Variants in CCDC171 observed in about 807,000 individuals in gnomAD.
The protein encoded by CCDC171 is coiled-coil domain-containing protein 171.
A neutral mutation model predicts 168.2 loss-of-function variants in CCDC171; 177 were observed. That is an observed-to-expected ratio of 1.05 (90% confidence interval 0.93 to 1.19). The LOEUF is 1.19. Ranked by LOEUF, CCDC171 falls within the 50% of genes most tolerant of loss-of-function variation. CCDC171 has a pLI of 0.00. For missense variants in CCDC171, 1,991 were observed against 1,539.0 expected, an observed-to-expected ratio of 1.29 and a Z score of -4.91; for synonymous variants, 687 against 540.8, an observed-to-expected ratio of 1.27 and a Z score of -3.75.
At chr9:15,829,045 A>G (rs888833623) in intron 21 of CCDC171, among the ~76,000 whole-genome samples, 2 of 152,202 alleles carry the variant, frequency 1.3e-5, no homozygotes, top group Non-Finnish European at 2.9e-5. Context: ...TTGAGTGTTT[A>G]CTATATGTTT....
At chr9:15,823,746 T>C (rs984651368) in intron 21 of CCDC171, among the ~76,000 whole-genome samples, 1 of 152,130 alleles carries the variant, frequency 6.6e-6, no homozygotes, top group East Asian at 1.9e-4. Context: ...CTAATTTTAA[T>C]TTGTCATAGC....
the CCDC171 span, among the ~76,000 whole-genome samples, chr9:16,097,093 A>G: frequency 6.6e-6 from 1 of 152,188 alleles, no homozygotes; most frequent in Non-Finnish European, 1.5e-5. Context: ...AAATGGAGTA[A>G]CACCCACTGA....
intron 21 of CCDC171, among the ~76,000 whole-genome samples, chr9:15,792,846 C>T (rs2058338305): frequency 6.6e-6 from 1 of 152,006 alleles, no homozygotes; most frequent in African/African-American, 2.4e-5. Context: ...AAAGGAACAA[C>T]CAGTACCAGC....
intron 24 of CCDC171, among the ~76,000 whole-genome samples, chr9:15,876,312 G>T (rs1817839418): frequency 6.6e-6 from 1 of 152,080 alleles, no homozygotes; most frequent in Non-Finnish European, 1.5e-5. Flanking sequence ...GGAGACATTA[G>T]TGATAATAAT....
intron 9 of CCDC171, among the ~76,000 whole-genome samples, chr9:15,667,515 G>A (rs112178365): frequency 0.012 from 1,890 of 152,038 alleles, 56 homozygotes; most frequent in African/African-American, 0.042. Context: ...GTGTGGTGGC[G>A]GGCACCTGTA....
At chr9:15,967,910 G>T (rs916431471) in intron 25 of CCDC171, among the ~76,000 whole-genome samples, 7 of 152,144 alleles carry the variant, frequency 4.6e-5, no homozygotes, top group African/African-American at 1.7e-4. Context: ...AAAAGGCTTT[G>T]ACTTACAGAC....
chr9:15,632,129 C>T (rs1480850717), intron 7 of CCDC171, among the ~76,000 whole-genome samples: 9 of 151,604 alleles, frequency 5.9e-5, no homozygotes, highest in Non-Finnish European at 1.0e-4. Flanking sequence ...GATGCCCTCT[C>T]TCACCACTCC....
intron 25 of CCDC171, among the ~76,000 whole-genome samples, chr9:15,922,548 T>A (rs562955682): frequency 6.6e-6 from 1 of 151,726 alleles, no homozygotes; most frequent in East Asian, 1.9e-4. Flanking sequence ...TGCGCATATC[T>A]CTTTGACCTA....
intron 11 of CCDC171, among the ~76,000 whole-genome samples, chr9:15,702,024 G>A (rs1027754941): frequency 1.3e-5 from 2 of 152,132 alleles, no homozygotes; most frequent in Non-Finnish European, 2.9e-5. Context: ...CTTGATCCAT[G>A]GGCTACAGAA....
Position 15,591,454 on chromosome 9 carries a change from A to G in CCDC171, c.441A>G (p.Arg147=). 6.2e-7 allele frequency: 1 copy of G among 1,609,096 alleles called. No individual in the cohort carries two copies. The highest frequency in any genetic ancestry group is 8.5e-7 in the Non-Finnish European group (1 of 1,177,210). Residue 147 remains arginine (R), a synonymous_variant, in exon 5 of 26, where the codon AGA becomes AGG. Coordinates refer to ENST00000380701, the MANE Select transcript of CCDC171 (RefSeq NM_173550.4). ...SQQKWKEECR[R]FEHDLEERDN... is the part of the protein sequence containing the mutation. ...AAAAATGGAAAGAAGAATGCAGAAG[A>G]TTTGAACATGATTTGGAGGAAAGAG... is the stretch of plus-strand genomic sequence containing the variant.
intron 5 of CCDC171, among the ~76,000 whole-genome samples, chr9:15,592,344 CA>C (rs953373464): frequency 6.7e-6 from 1 of 149,424 alleles, no homozygotes; most frequent in African/African-American, 2.5e-5. Flanking sequence ...TGTCTCCCCC[CA>C]AAAAAGCAAA....
intron 1 of CCDC171, among the ~76,000 whole-genome samples, chr9:15,555,645 A>C (rs914951850): frequency 6.6e-6 from 1 of 152,138 alleles, no homozygotes; most frequent in East Asian, 1.9e-4. Flanking sequence ...TAGAGATGTG[A>C]GAGATGTGAC....
the CCDC171 span, among the ~76,000 whole-genome samples, chr9:16,098,764 C>A: frequency 2.0e-5 from 3 of 152,146 alleles, no homozygotes; most frequent in Non-Finnish European, 4.4e-5. Context: ...ATTTATTGAT[C>A]CATTTTCCTA....
intron 9 of CCDC171, among the ~76,000 whole-genome samples, chr9:15,670,220 A>G (rs2049016067): frequency 1.3e-5 from 2 of 151,982 alleles, no homozygotes. Context: ...GTGTTCCCCC[A>G]TTTCAGTGGA....
At chr9:15,721,932 A>G in intron 12 of CCDC171, 57 bp downstream of exon 12, 1 of 803,182 alleles carries the variant, frequency 1.2e-6, no homozygotes, top group Non-Finnish European at 1.8e-6. Context: ...ACCAGTACGT[A>G]TTCCTTGCTT....
intron 7 of CCDC171, among the ~76,000 whole-genome samples, chr9:15,638,145 G>T (rs1050002107): frequency 6.6e-6 from 1 of 152,086 alleles, no homozygotes; most frequent in Admixed American, 6.5e-5. Context: ...TTGAAGCTTT[G>T]AAGGTAGTCT....
intron 3 of CCDC171, among the ~76,000 whole-genome samples, chr9:15,988,965 G>C (rs1832092710): frequency 6.6e-6 from 1 of 152,200 alleles, no homozygotes; most frequent in Admixed American, 6.5e-5. Flanking sequence ...CGCGGCTCAA[G>C]GAGGTCTGCC....
intron 1 of CCDC171, among the ~76,000 whole-genome samples, chr9:16,046,726 C>G (rs1377104895): frequency 6.6e-6 from 1 of 152,152 alleles, no homozygotes; most frequent in Non-Finnish European, 1.5e-5. Flanking sequence ...CTCTCTCATT[C>G]TTGCTTGTGT....
intron 18 of CCDC171, among the ~76,000 whole-genome samples, chr9:15,747,158 G>A (rs974757046): frequency 9.2e-5 from 14 of 152,192 alleles, no homozygotes; most frequent in African/African-American, 3.1e-4. Flanking sequence ...CAAACTGGGC[G>A]GAGCCTACCG....
Sources: gnomAD v4.1 joint callset for allele counts (sites outside exome capture counted in the v4.1 genomes callset) on GRCh38, gnomAD v4.1.1 for gene constraint, MANE v1.5 for transcripts, NCBI Gene and HGNC (gene_info 2026-07-23, HGNC 2026-07-21) for gene names.